Variants in GPR15LG observed in about 807,000 individuals in gnomAD.
The protein encoded by GPR15LG is protein GPR15LG.
the GPR15LG span, chr10:84,184,630 C>T: frequency 6.3e-7 from 1 of 1,588,628 alleles, no homozygotes; most frequent in East Asian, 2.2e-5. Flanking sequence ...TGGCTCTGAC[C>T]TCGCCATCTT....
At chr10:84,175,297 T>C in the GPR15LG span, among the ~76,000 whole-genome samples, 4 of 152,196 alleles carry the variant, frequency 2.6e-5, no homozygotes, top group African/African-American at 9.7e-5. Context: ...ACCTCTATTT[T>C]TGGACATGTT....
At chr10:84,177,240 C>T in the GPR15LG span, among the ~76,000 whole-genome samples, 1 of 152,222 alleles carries the variant, frequency 6.6e-6, no homozygotes, top group African/African-American at 2.4e-5. Flanking sequence ...GGCCCAAGCT[C>T]AGGAGGGCTG....
the GPR15LG span, chr10:84,176,455 T>C: frequency 1.3e-6 from 2 of 1,553,254 alleles, no homozygotes; most frequent in East Asian, 2.2e-5. Flanking sequence ...AAAGACAGTC[T>C]CTCTTCCTTT....
At chr10:84,184,635 C>T in the GPR15LG span, 1 of 1,599,990 alleles carries the variant, frequency 6.3e-7, no homozygotes, top group South Asian at 1.1e-5. Flanking sequence ...CTGACCTCGC[C>T]ATCTTCCTGT....
chr10:84,173,882 T>C, the GPR15LG span: 3 of 1,613,982 alleles, frequency 1.9e-6, no homozygotes, highest in Non-Finnish European at 2.5e-6. Context: ...CAGCCTGCTC[T>C]GTATCCTGCT....
chr10:84,173,881 C>A, the GPR15LG span: 2 of 1,613,934 alleles, frequency 1.2e-6, no homozygotes, highest in Non-Finnish European at 8.5e-7. Context: ...CCAGCCTGCT[C>A]TGTATCCTGC....
At chr10:84,176,612 A>G in the GPR15LG span, 1 of 1,458,740 alleles carries the variant, frequency 6.9e-7, no homozygotes, top group Non-Finnish European at 9.6e-7. Flanking sequence ...CAGAAGTTCT[A>G]CAGTGGCCAT....
At chr10:84,184,268 G>C in the GPR15LG span, among the ~76,000 whole-genome samples, 1 of 152,208 alleles carries the variant, frequency 6.6e-6, no homozygotes, top group Non-Finnish European at 1.5e-5. Context: ...TGCAAATGTA[G>C]TTTTGGGACA....
chr10:84,179,618 C>T, the GPR15LG span, among the ~76,000 whole-genome samples: 8 of 152,206 alleles, frequency 5.3e-5, no homozygotes, highest in African/African-American at 1.7e-4. Context: ...TGCAAATTAA[C>T]TCAGAGTTGC....
the GPR15LG span, chr10:84,184,633 G>A: frequency 1.4e-5 from 22 of 1,593,148 alleles, no homozygotes; most frequent in African/African-American, 1.3e-5. Context: ...CTCTGACCTC[G>A]CCATCTTCCT....
chr10:84,179,991 A>C, the GPR15LG span, among the ~76,000 whole-genome samples: 4 of 152,058 alleles, frequency 2.6e-5, no homozygotes, highest in Admixed American at 6.5e-5. Context: ...ACATGTGAAC[A>C]AAGGTCTCTG....
the GPR15LG span, among the ~76,000 whole-genome samples, chr10:84,181,790 C>A: frequency 6.6e-6 from 1 of 152,212 alleles, no homozygotes; most frequent in Non-Finnish European, 1.5e-5. Flanking sequence ...GTGTCAAGCA[C>A]TATCCCCAAG....
the GPR15LG span, among the ~76,000 whole-genome samples, chr10:84,179,915 G>GTTTTTTTTTTTTT: frequency 6.6e-6 from 1 of 150,832 alleles, no homozygotes; most frequent in African/African-American, 2.5e-5. Context: ...TCATTCTTGG[G>GTTTTTTTTTTTTT]TGTTTCTTGG....
the GPR15LG span, among the ~76,000 whole-genome samples, chr10:84,179,122 G>A: frequency 6.6e-6 from 1 of 152,198 alleles, no homozygotes; most frequent in Non-Finnish European, 1.5e-5. Context: ...AGCCATCTGG[G>A]CTGGGATCTC....
At chr10:84,179,291 C>T in the GPR15LG span, among the ~76,000 whole-genome samples, 122 of 152,340 alleles carry the variant, frequency 8.0e-4, 1 homozygote, top group African/African-American at 2.9e-3. Flanking sequence ...GGCATCAAGC[C>T]TGCCACATGG....
the GPR15LG span, chr10:84,173,921 G>T: frequency 6.2e-7 from 1 of 1,610,770 alleles, no homozygotes. Context: ...CTCCACAGAA[G>T]GTAGGGCAGC....
chr10:84,177,498 G>A, the GPR15LG span, among the ~76,000 whole-genome samples: 2 of 152,236 alleles, frequency 1.3e-5, no homozygotes, highest in African/African-American at 4.8e-5. Context: ...CTGCGGCCAT[G>A]GCCCATGGGG....
chr10:84,174,562 C>G, the GPR15LG span, among the ~76,000 whole-genome samples: 1 of 141,404 alleles, frequency 7.1e-6, no homozygotes, highest in African/African-American at 2.6e-5. Flanking sequence ...GGCGCTATCT[C>G]AGCTCACTGC....
At chr10:84,179,161 G>C in the GPR15LG span, among the ~76,000 whole-genome samples, 2,034 of 152,328 alleles carry the variant, frequency 0.013, 40 homozygotes, top group African/African-American at 0.046. Flanking sequence ...CTGTGCCTTG[G>C]AGCAAGTCAC....
Sources: allele counts gnomAD v4.1 joint callset (sites outside exome capture counted in the v4.1 genomes callset), GRCh38; gene constraint gnomAD v4.1.1; transcripts MANE v1.5; gene names NCBI Gene and HGNC (gene_info 2026-07-23, HGNC 2026-07-21).